The following ALK variants were observed in gnomAD, a reference collection of about 807,000 sequenced individuals.
The protein encoded by ALK is ALK receptor tyrosine kinase.
In ALK, 74 loss-of-function variants were observed where a neutral mutation model predicts 163.1. That is an observed-to-expected ratio of 0.45 (90% CI 0.38 to 0.55). The LOEUF (loss-of-function observed/expected upper bound fraction) is 0.55, where lower values mean the gene tolerates loss of function less well. Among genes scored for constraint, ALK ranks in the 20% least tolerant of loss-of-function variants. The pLI is 0.00. For missense variants in ALK, 2,063 were observed against 2,105.3 expected (o/e 0.98, Z 0.39); for synonymous variants, 960 against 843.2 (o/e 1.14, Z -2.40).
At chr2:29,788,205 T>C (rs1664093154) in intron 1 of ALK, among the ~76,000 whole-genome samples, 1 of 152,208 alleles carries the variant, frequency 6.6e-6, no homozygotes, top group Non-Finnish European at 1.5e-5. Context: ...AGCATAGTGA[T>C]AACTCGCTGA....
At chr2:29,427,095 T>C in intron 4 of ALK, among the ~76,000 whole-genome samples, 1 of 143,954 alleles carries the variant, frequency 6.9e-6, no homozygotes, top group South Asian at 2.3e-4. Context: ...TATATAATTG[T>C]ATTGCTGGGC....
chr2:29,508,602 T>C (rs1341453684), intron 4 of ALK, among the ~76,000 whole-genome samples: 1 of 151,682 alleles, frequency 6.6e-6, no homozygotes, highest in Non-Finnish European at 1.5e-5. Flanking sequence ...TGTTAAATGA[T>C]GAGTTAATGG....
intron 3 of ALK, among the ~76,000 whole-genome samples, chr2:29,535,610 C>T (rs1448436132): frequency 6.6e-6 from 1 of 152,152 alleles, no homozygotes; most frequent in Non-Finnish European, 1.5e-5. Flanking sequence ...TAATAAAAAT[C>T]AGTTCCCTGT....
chr2:29,382,317 TCA>T (rs1048305032), intron 5 of ALK, among the ~76,000 whole-genome samples: 9 of 152,308 alleles, frequency 5.9e-5, no homozygotes, highest in African/African-American at 2.2e-4. Context: ...TGGAACAGAC[TCA>T]CTGCGAATGC....
At chr2:29,684,618 C>A (rs1227335920) in intron 3 of ALK, among the ~76,000 whole-genome samples, 2 of 152,226 alleles carry the variant, frequency 1.3e-5, no homozygotes, top group Non-Finnish European at 2.9e-5. Flanking sequence ...GAAGACACGG[C>A]ACTTCCAGAC....
In ALK at chr2:29,920,294, C is replaced by A; in HGVS notation, c.366G>T (p.Thr122=). 6.4e-7 allele frequency: 1 copy of A among 1,570,186 alleles called. No individual in the cohort carries two copies. The highest frequency in any genetic ancestry group is 1.4e-5 in the African/African-American group (1 of 74,046). Reference sequence around the variant, plus strand: ...AGCCGCCCTTCAGCACCCTGGACAGCGTCCGGGCCTCTGCCGGGGCTGGTG... The same window carrying A: ...AGCCGCCCTTCAGCACCCTGGACAGAGTCCGGGCCTCTGCCGGGGCTGGTG... ...AGSPAPAEAR[T]LSRVLKGGSV... is the part of the protein sequence containing the mutation. The change falls in exon 1 of 29, where the codon ACG becomes ACT. Residue 122 remains threonine (T), a synonymous_variant. Transcript: ENST00000389048.
At chr2:29,280,438 G>A (rs1027570752) in intron 9 of ALK, among the ~76,000 whole-genome samples, 30 of 151,412 alleles carry the variant, frequency 2.0e-4, no homozygotes, top group African/African-American at 6.6e-4. Context: ...GAATGTACCC[G>A]GTGGACCACT....
At chr2:29,625,161 G>A (rs1038225210) in intron 3 of ALK, among the ~76,000 whole-genome samples, 1 of 152,182 alleles carries the variant, frequency 6.6e-6, no homozygotes, top group Admixed American at 6.5e-5. Context: ...TCTAGGTGCT[G>A]TGCTAAGCAA....
intron 1 of ALK, among the ~76,000 whole-genome samples, chr2:29,754,923 CTT>C (rs1680471103): frequency 6.6e-6 from 1 of 152,134 alleles, no homozygotes; most frequent in South Asian, 2.1e-4. Context: ...AAAAATGTCT[CTT>C]GGTCTCAGGA....
At chr2:29,464,302 T>G (rs1172873287) in intron 4 of ALK, among the ~76,000 whole-genome samples, 4 of 152,186 alleles carry the variant, frequency 2.6e-5, no homozygotes, top group Non-Finnish European at 5.9e-5. Flanking sequence ...CTTATAAATA[T>G]ACTTACTAAT....
At chr2:29,885,324 T>C (rs1053952423) in intron 1 of ALK, among the ~76,000 whole-genome samples, 2 of 152,132 alleles carry the variant, frequency 1.3e-5, no homozygotes, top group Non-Finnish European at 2.9e-5. Context: ...TCATTACACA[T>C]GATACTCTAT....
chr2:29,775,533 C>A (rs553800229), intron 1 of ALK, among the ~76,000 whole-genome samples: 4 of 147,752 alleles, frequency 2.7e-5, no homozygotes, highest in African/African-American at 1.0e-4. Flanking sequence ...ACTCCCTCCC[C>A]CTACAAAAAA....
intron 13 of ALK, among the ~76,000 whole-genome samples, chr2:29,234,300 C>A (rs1293894774): frequency 6.6e-6 from 1 of 152,088 alleles, no homozygotes; most frequent in Non-Finnish European, 1.5e-5. Context: ...TGGCTAGAGG[C>A]CTTGAAGGCA....
intron 5 of ALK, among the ~76,000 whole-genome samples, chr2:29,378,449 A>G (rs2148297755): frequency 6.6e-6 from 1 of 152,294 alleles, no homozygotes; most frequent in South Asian, 2.1e-4. Flanking sequence ...TTGGAGCCAG[A>G]TGGCCTCCAT....
intron 1 of ALK, among the ~76,000 whole-genome samples, chr2:29,718,466 G>A (rs905516438): frequency 2.6e-5 from 4 of 152,180 alleles, no homozygotes; most frequent in African/African-American, 9.7e-5. Context: ...ATTTGCTAAT[G>A]TTTTACGGCA....
intron 14 of ALK, among the ~76,000 whole-genome samples, chr2:29,232,821 C>G (rs934931614): frequency 6.6e-6 from 1 of 152,202 alleles, no homozygotes; most frequent in Admixed American, 6.5e-5. Context: ...TCTCTATGCT[C>G]TCTCTCCCTC....
chr2:29,233,753 A>G, intron 13 of ALK, 57 bp from the exon 14 acceptor site: 2 of 1,611,956 alleles, frequency 1.2e-6, no homozygotes, highest in South Asian at 2.2e-5. Flanking sequence ...TCCACTTTGC[A>G]GCAGACAGAA....
intron 4 of ALK, among the ~76,000 whole-genome samples, chr2:29,389,494 C>T (rs141581369): frequency 6.6e-6 from 1 of 152,306 alleles, no homozygotes; most frequent in East Asian, 1.9e-4. Flanking sequence ...TTTCATTGGC[C>T]TCTACAGGAA....
rs531003059 is a variant in ALK, at chr2:29,415,964, C to T, written c.1155-32105G>A. On this transcript the variant is annotated intron_variant, in intron 4 of 28. Transcript: ENST00000389048. ...CCGGCTGTATTTCTCAGGCCTTCAG[C>T]CTTGCACTGGGAGTCACCATCAGCT... Among the ~76,000 whole-genome samples, 5 of 152,294 alleles carry T rather than the reference C, an allele frequency of 3.3e-5. No homozygotes were observed. The South Asian group carries it at 1.0e-3, about 32-fold the overall frequency.
Sources: allele counts gnomAD v4.1 joint callset (sites outside exome capture counted in the v4.1 genomes callset), GRCh38; gene constraint gnomAD v4.1.1; transcripts MANE v1.5; gene names NCBI Gene and HGNC (gene_info 2026-07-23, HGNC 2026-07-21).